Variants in RIT2 observed in about 807,000 individuals in gnomAD.
RIT2 encodes GTP-binding protein Rit2.
In RIT2, 24 loss-of-function variants were observed where a neutral mutation model predicts 23.7. That is an observed-to-expected ratio of 1.01 (90% CI 0.73 to 1.43). The LOEUF (loss-of-function observed/expected upper bound fraction) is 1.43. RIT2 is among the 40% of genes most tolerant of loss of function. The probability of loss-of-function intolerance (pLI) is 0.00; values close to 1 mark genes in which losing one functional copy is unlikely to be tolerated. For synonymous variants in RIT2, 107 were observed against 91.1 expected, an observed-to-expected ratio of 1.17 and a Z score of -0.99; for missense variants, 236 against 266.9, an observed-to-expected ratio of 0.88 and a Z score of 0.81.
intron 4 of RIT2, among the ~76,000 whole-genome samples, chr18:42,804,815 G>C (rs781655023): frequency 2.0e-5 from 3 of 152,030 alleles, no homozygotes; most frequent in Non-Finnish European, 2.9e-5. Context: ...TAATTTGCAG[G>C]CATAAATTTT....
rs1403182650 is a variant in RIT2 at position 42,747,886 on chromosome 18, A to T, written c.427-4166T>A. On this transcript the variant is annotated intron_variant, in intron 4 of 4. Transcript: ENST00000326695. ...ATGTCTCACCTTATACAAAAATCAA[A>T]CTCAAGATGGATAAAGGACTTAAAT... Among the ~76,000 whole-genome samples, 14 of 152,034 alleles carry T rather than the reference A, an allele frequency of 9.2e-5. No homozygotes were observed. The East Asian group carries it at 2.7e-3, about 29-fold the overall frequency.
At chr18:43,053,109 T>C (rs983155277) in intron 1 of RIT2, among the ~76,000 whole-genome samples, 1 of 152,118 alleles carries the variant, frequency 6.6e-6, no homozygotes, top group African/African-American at 2.4e-5. Context: ...GTATAGGCTT[T>C]GAAGTCAGGG....
chr18:42,810,034 T>G (rs906861721), intron 4 of RIT2, among the ~76,000 whole-genome samples: 1 of 146,862 alleles, frequency 6.8e-6, no homozygotes, highest in African/African-American at 2.5e-5. Flanking sequence ...TATATGTATA[T>G]ATAAGTTACA....
At chr18:42,795,475 A>G (rs1905316451) in intron 4 of RIT2, among the ~76,000 whole-genome samples, 1 of 152,218 alleles carries the variant, frequency 6.6e-6, no homozygotes, top group Admixed American at 6.5e-5. Flanking sequence ...CCCGCGGGGC[A>G]GGGCTCGGGA....
intron 4 of RIT2, among the ~76,000 whole-genome samples, chr18:42,854,588 C>A (rs552586473): frequency 6.6e-6 from 1 of 152,122 alleles, no homozygotes; most frequent in South Asian, 2.1e-4. Context: ...CCTTTGGAAC[C>A]GAAACAAACA....
At chr18:42,901,611 A>C (rs1908477667) in intron 4 of RIT2, among the ~76,000 whole-genome samples, 1 of 152,060 alleles carries the variant, frequency 6.6e-6, no homozygotes, top group African/African-American at 2.4e-5. Context: ...ATATTGTACA[A>C]ATAGATGTGT....
intron 3 of RIT2, among the ~76,000 whole-genome samples, chr18:42,930,302 C>T (rs1326676247): frequency 1.3e-5 from 2 of 150,668 alleles, no homozygotes; most frequent in Non-Finnish European, 1.5e-5. Context: ...AAGGCTTTCA[C>T]AGTAATTCTG....
chr18:42,908,792 T>A (rs1490466974), intron 4 of RIT2, among the ~76,000 whole-genome samples: 6 of 152,128 alleles, frequency 3.9e-5, no homozygotes, highest in Non-Finnish European at 8.8e-5. Flanking sequence ...CTGGTGGAAA[T>A]GTATACATAG....
chr18:42,851,450 T>A (rs897816133), intron 4 of RIT2, among the ~76,000 whole-genome samples: 2 of 152,220 alleles, frequency 1.3e-5, no homozygotes, highest in Non-Finnish European at 2.9e-5. Flanking sequence ...TCTCAAAACA[T>A]GTGCTCAATG....
chr18:42,889,077 T>G (rs1908103777), intron 4 of RIT2, among the ~76,000 whole-genome samples: 1 of 152,110 alleles, frequency 6.6e-6, no homozygotes, highest in East Asian at 1.9e-4. Context: ...TTGTTGGATT[T>G]TTTTTTAATT....
chr18:42,990,399 G>A (rs1260426182), intron 2 of RIT2, among the ~76,000 whole-genome samples: 1 of 152,126 alleles, frequency 6.6e-6, no homozygotes, highest in Non-Finnish European at 1.5e-5. Context: ...CAGGATAACG[G>A]CTGACCAAAT....
chr18:42,850,171 C>T (rs1375268529), intron 4 of RIT2, among the ~76,000 whole-genome samples: 2 of 150,996 alleles, frequency 1.3e-5, no homozygotes, highest in East Asian at 1.9e-4. Context: ...CCACACAGGA[C>T]ATTTAGGGAA....
chr18:43,032,763 A>G (rs1911886971), intron 2 of RIT2, among the ~76,000 whole-genome samples: 2 of 152,158 alleles, frequency 1.3e-5, no homozygotes, highest in African/African-American at 4.8e-5. Context: ...GACATTTAAA[A>G]ATAAGTATGT....
At chr18:42,860,737 A>C (rs1227062110) in intron 4 of RIT2, among the ~76,000 whole-genome samples, 2 of 152,152 alleles carry the variant, frequency 1.3e-5, no homozygotes, top group East Asian at 1.9e-4. Flanking sequence ...GTTTTTATGC[A>C]TTCTTTATGC....
chr18:43,001,417 A>AG (rs1911105015), intron 2 of RIT2, among the ~76,000 whole-genome samples: 1 of 152,030 alleles, frequency 6.6e-6, no homozygotes, highest in Non-Finnish European at 1.5e-5. Flanking sequence ...TGTATAAGCA[A>AG]GATGTTCATA....
chr18:43,031,508 C>T (rs1264408697), intron 2 of RIT2, among the ~76,000 whole-genome samples: 1 of 152,006 alleles, frequency 6.6e-6, no homozygotes, highest in East Asian at 1.9e-4. Context: ...AACCAATCTG[C>T]TTTTCCTTTC....
chr18:43,082,450 C>T (rs772492343), intron 1 of RIT2, among the ~76,000 whole-genome samples: 2 of 152,082 alleles, frequency 1.3e-5, no homozygotes, highest in Non-Finnish European at 2.9e-5. Context: ...AGGCCAATAT[C>T]CCTGATGAAC....
chr18:42,836,233 C>T (rs1906599148), intron 4 of RIT2, among the ~76,000 whole-genome samples: 1 of 152,058 alleles, frequency 6.6e-6, no homozygotes, highest in Admixed American at 6.6e-5. Context: ...AGTCTCCTTC[C>T]TTTCTTGTCT....
chr18:43,102,946 G>A (rs779244448), intron 1 of RIT2, among the ~76,000 whole-genome samples: 29 of 152,090 alleles, frequency 1.9e-4, no homozygotes, highest in Non-Finnish European at 2.8e-4. Context: ...GAGCCACTGC[G>A]CCCGGCCCTT....
Sources: gnomAD v4.1 joint callset for allele counts (sites outside exome capture counted in the v4.1 genomes callset) on GRCh38, gnomAD v4.1.1 for gene constraint, MANE v1.5 for transcripts, NCBI Gene and HGNC (gene_info 2026-07-23, HGNC 2026-07-21) for gene names.